Variants in MYO1H observed in about 807,000 individuals in gnomAD.
MYO1H encodes myosin IH.
MYO1H carries 118 observed loss-of-function variants against 149.3 expected under a neutral mutation model. The observed-to-expected ratio is 0.79, with a 90% CI of 0.68 to 0.92. The LOEUF (loss-of-function observed/expected upper bound fraction) is 0.92, where lower values mean the gene tolerates loss of function less well. Among genes scored for constraint, MYO1H ranks in the 40% least tolerant of loss-of-function variants. MYO1H has a pLI of 0.00. For missense variants in MYO1H, 1,212 were observed against 1,280.7 expected, an observed-to-expected ratio of 0.95 and a Z score of 0.82; for synonymous variants, 447 against 465.2, an observed-to-expected ratio of 0.96 and a Z score of 0.50.
rs138570718 is a variant in MYO1H at position 109,352,260 on chromosome 12, G to A, written c.12+4288G>A. Among the ~76,000 whole-genome samples, 805 of 152,266 alleles carry A rather than the reference G, an allele frequency of 5.3e-3. 2 individuals are homozygous for A. The highest frequency in any genetic ancestry group is 8.5e-3 in the Non-Finnish European group (579 of 68,018). On this transcript the variant is annotated intron_variant, in intron 1 of 31. Transcript: ENST00000310903. ...ACGGTATAGGAAATTGTAAGAAAAT[G>A]ACAATGATTTGAAATTCTGCCAGCC...
At chr12:109,419,199 C>T (rs1182833138) in intron 15 of MYO1H, among the ~76,000 whole-genome samples, 3 of 152,036 alleles carry the variant, frequency 2.0e-5, no homozygotes, top group African/African-American at 7.2e-5. Flanking sequence ...CACACACACA[C>T]ACACACACAC....
intron 6 of MYO1H, chr12:109,401,535 TA>T (rs1870159085): frequency 2.8e-6 from 1 of 356,522 alleles, no homozygotes; most frequent in Non-Finnish European, 5.1e-6. Context: ...AAGAGCCCTT[TA>T]AAAACACAAA....
the MYO1H span, among the ~76,000 whole-genome samples, chr12:109,313,773 A>ATT: frequency 6.7e-6 from 1 of 150,112 alleles, no homozygotes; most frequent in African/African-American, 2.4e-5. Context: ...TTGCAAGAGC[A>ATT]TTTTTTTTTT....
chr12:109,369,741 G>A (rs768460031), intron 1 of MYO1H, among the ~76,000 whole-genome samples: 26 of 152,312 alleles, frequency 1.7e-4, no homozygotes, highest in African/African-American at 5.3e-4. Flanking sequence ...AGCATAGGTC[G>A]TCATAACCCT....
chr12:109,403,262 A>G (rs1870240195), intron 6 of MYO1H, among the ~76,000 whole-genome samples: 1 of 152,204 alleles, frequency 6.6e-6, no homozygotes. Flanking sequence ...AAAAATTTTT[A>G]TATCGGTCAC....
chr12:109,347,723 T>C (rs1868365456), upstream of MYO1H, among the ~76,000 whole-genome samples: 1 of 151,440 alleles, frequency 6.6e-6, no homozygotes, highest in Non-Finnish European at 1.5e-5. Context: ...TCAAGGGAGG[T>C]TGGGTTTCCA....
At chr12:109,347,826 C>G (rs1032196998), upstream of MYO1H, 4 of 397,416 alleles carry the variant, frequency 1.0e-5, no homozygotes, top group African/African-American at 8.2e-5. Context: ...TAACTTAGCT[C>G]CACCCCGCAA....
chr12:109,318,972 G>GTTTTTGTTTTTTTTTTTTTT, the MYO1H span, among the ~76,000 whole-genome samples: 2 of 77,252 alleles, frequency 2.6e-5, no homozygotes, highest in African/African-American at 4.7e-5. Flanking sequence ...TTTTGGTTTT[G>GTTTTTGTTTTTTTTTTTTTT]TTTTTTTTTT....
intron 1 of MYO1H, among the ~76,000 whole-genome samples, chr12:109,354,618 TAAAAAAAAA>T (rs1555247905): frequency 8.4e-6 from 1 of 119,416 alleles, no homozygotes; most frequent in South Asian, 2.8e-4. Flanking sequence ...AGACTCTGTC[TAAAAAAAAA>T]AAAAAAAGAA....
intron 12 of MYO1H, 122 bp from the exon 13 acceptor site, chr12:109,410,566 T>C: frequency 1.5e-6 from 1 of 681,354 alleles, no homozygotes; most frequent in East Asian, 2.7e-5. Flanking sequence ...AAATATAATT[T>C]GTTTAAGGTT....
chr12:109,327,122 CT>C, the MYO1H span, among the ~76,000 whole-genome samples: 15 of 111,398 alleles, frequency 1.3e-4, 1 homozygote, highest in African/African-American at 5.7e-4. Context: ...TTTTCTTTTT[CT>C]TTTTCTTTTT....
chr12:109,410,766 C>T, exon 13 of MYO1H: 1 of 1,554,784 alleles, frequency 6.4e-7, no homozygotes, highest in South Asian at 1.1e-5. Context: ...CATATCTATT[C>T]TGGTGAGAAA....
chr12:109,440,749 A>G, exon 25 of MYO1H: 2 of 1,560,796 alleles, frequency 1.3e-6, no homozygotes, highest in South Asian at 2.4e-5. Context: ...CACAGGCATC[A>G]GATCTGCTCA....
At chr12:109,443,740 T>C (rs1433363598) in intron 28 of MYO1H, 91 bp downstream of exon 28, 8 of 1,476,740 alleles carry the variant, frequency 5.4e-6, no homozygotes, top group African/African-American at 1.4e-5. Flanking sequence ...GAAACACAAG[T>C]GTAGGGTGCC....
At chr12:109,338,765 C>CAAAAAA in the MYO1H span, among the ~76,000 whole-genome samples, 1 of 87,316 alleles carries the variant, frequency 1.1e-5, no homozygotes, top group East Asian at 3.6e-4. Context: ...GACTCCATCT[C>CAAAAAA]AAAAAAAAAA....
intron 8 of MYO1H, among the ~76,000 whole-genome samples, chr12:109,406,322 C>T (rs1180673440): frequency 2.0e-5 from 3 of 151,844 alleles, no homozygotes; most frequent in Admixed American, 6.6e-5. Context: ...GTGAGTAGGC[C>T]GGGCGCAATG....
chr12:109,326,769 C>T, the MYO1H span, among the ~76,000 whole-genome samples: 2 of 152,002 alleles, frequency 1.3e-5, no homozygotes, highest in Admixed American at 6.6e-5. Flanking sequence ...ATTCATCCAC[C>T]TCGGCCCCCA....
intron 14 of MYO1H, among the ~76,000 whole-genome samples, chr12:109,412,509 T>C (rs1566033236): frequency 6.6e-6 from 1 of 152,178 alleles, no homozygotes; most frequent in Non-Finnish European, 1.5e-5. Flanking sequence ...TCAGTGATCA[T>C]TATATTTTGG....
At chr12:109,377,961 G>A (rs564534510) in intron 1 of MYO1H, among the ~76,000 whole-genome samples, 18 of 152,112 alleles carry the variant, frequency 1.2e-4, no homozygotes, top group East Asian at 9.6e-4. Context: ...CATTTCCTCC[G>A]TATTTCAGTA....
Sources: gnomAD v4.1 joint callset for allele counts (sites outside exome capture counted in the v4.1 genomes callset) on GRCh38, gnomAD v4.1.1 for gene constraint, MANE v1.5 for transcripts, NCBI Gene and HGNC (gene_info 2026-07-23, HGNC 2026-07-21) for gene names.